Variants in SYN3 observed in about 807,000 individuals in gnomAD.
The protein encoded by SYN3 is synapsin III.
Under a neutral mutation model 65.8 loss-of-function variants are expected in SYN3, and 35 were observed. The observed-to-expected ratio is 0.53, with a 90% CI of 0.41 to 0.70. The LOEUF (loss-of-function observed/expected upper bound fraction) is 0.70, where lower values mean the gene tolerates loss of function less well. Among genes scored for constraint, SYN3 ranks in the 30% least tolerant of loss-of-function variants. The probability of loss-of-function intolerance (pLI) is 0.00; values close to 1 mark genes in which losing one functional copy is unlikely to be tolerated. For synonymous variants in SYN3, 270 were observed against 292.9 expected, an observed-to-expected ratio of 0.92 and a Z score of 0.80; for missense variants, 680 against 749.0, an observed-to-expected ratio of 0.91 and a Z score of 1.08.
intron 6 of SYN3, among the ~76,000 whole-genome samples, chr22:32,835,108 G>C (rs886433780): frequency 6.6e-6 from 1 of 152,188 alleles, no homozygotes; most frequent in African/African-American, 2.4e-5. Flanking sequence ...TTCTGAGTCA[G>C]TTCATGCAGC....
chr22:32,734,513 GCAGACAGACAGA>G (rs6147593), intron 6 of SYN3, among the ~76,000 whole-genome samples: 1 of 151,318 alleles, frequency 6.6e-6, no homozygotes, highest in Admixed American at 6.6e-5. Context: ...AGGCAGGCAG[GCAGACAGACAGA>G]CAGACAGACA....
chr22:32,928,203 G>A lies in SYN3; in HGVS notation c.461+3187C>T, dbSNP rs573745520. ...AAATTAGCTGGGCATGGTGGTGGGCGCCTGTAGTCCCAGCTACTTGGGAGG... is the reference window on the plus strand; with the variant it reads ...AAATTAGCTGGGCATGGTGGTGGGCACCTGTAGTCCCAGCTACTTGGGAGG... On this transcript the variant is annotated intron_variant, in intron 4 of 13. Coordinates refer to ENST00000358763, the MANE Select transcript of SYN3 (RefSeq NM_003490.4). Among the ~76,000 whole-genome samples the A allele has an allele frequency of 1.6e-3, 238 of 152,214 alleles. 3 individuals carry two copies. Among genetic ancestry groups the A allele is most frequent in the Middle Eastern group, 3.4e-3 (1 of 294 alleles).
rs145564489 is a variant in SYN3 at position 32,864,954 on chromosome 22, C to A, written c.672G>T (p.Pro224=). The change falls in exon 6 of 14, where the codon CCG becomes CCT. Residue 224 remains proline (P), a synonymous_variant. Coordinates refer to ENST00000358763, the MANE Select transcript of SYN3 (RefSeq NM_003490.4). ...TGGGGAAAAATGTTTGCTCCACAAG[C>A]GGGAACTTCTCAGGACCCAGGGAAT... ...IFHSLGPEKF[P]LVEQTFFPNH... 3.1e-6 allele frequency: 5 copies of A among 1,614,142 alleles called. No individual in the cohort carries two copies. The highest frequency in any genetic ancestry group is 4.2e-6 in the Non-Finnish European group (5 of 1,180,014).
chr22:32,722,314 C>G (rs1187513229), intron 6 of SYN3, among the ~76,000 whole-genome samples: 1 of 151,992 alleles, frequency 6.6e-6, no homozygotes, highest in Non-Finnish European at 1.5e-5. Context: ...TCCCTTGACC[C>G]TTGATGGTGT....
intron 3 of SYN3, among the ~76,000 whole-genome samples, chr22:32,973,947 C>T (rs944301753): frequency 1.3e-5 from 2 of 152,176 alleles, no homozygotes; most frequent in Admixed American, 6.5e-5. Context: ...CATCACCACG[C>T]CTGGCTGATT....
At chr22:32,732,362 C>T (rs941579988) in intron 6 of SYN3, among the ~76,000 whole-genome samples, 3 of 152,210 alleles carry the variant, frequency 2.0e-5, no homozygotes, top group Non-Finnish European at 2.9e-5. Flanking sequence ...ATTTTCCAAA[C>T]GAAGAAGCAG....
chr22:32,513,447 C>G lies in SYN3; in HGVS notation c.*245G>C. ...GGCAGAGGGTGTGATGCCCATCGCT[C>G]AGGCCTGTTTTGAGGAACCTGGAGG... is the stretch of plus-strand genomic sequence containing the variant. On this transcript the variant is annotated 3_prime_UTR_variant, in exon 14 of 14. Coordinates refer to ENST00000358763, the MANE Select transcript of SYN3 (RefSeq NM_003490.4). 2.3e-6 allele frequency: 1 copy of G among 427,788 alleles called. No individual in the cohort carries two copies. The highest frequency in any genetic ancestry group is 4.1e-6 in the Non-Finnish European group (1 of 242,440). 26.5% of individuals were successfully genotyped at this position (427,788 alleles called of 1,614,324 possible).
chr22:32,822,948 G>A (rs898960035), intron 6 of SYN3, among the ~76,000 whole-genome samples: 19 of 152,080 alleles, frequency 1.2e-4, no homozygotes, highest in Admixed American at 3.9e-4. Context: ...AACAGAGAGA[G>A]AGAGATGAAT....
intron 1 of SYN3, among the ~76,000 whole-genome samples, chr22:33,028,643 A>ATGGTGG (rs133971): frequency 0.087 from 8,054 of 92,954 alleles, 656 homozygotes; most frequent in Middle Eastern, 0.12. Flanking sequence ...AAGAACCATG[A>ATGGTGG]TGGTGGTGGT....
At chr22:32,541,255 C>A (rs924712417) in intron 8 of SYN3, among the ~76,000 whole-genome samples, 1 of 152,182 alleles carries the variant, frequency 6.6e-6, no homozygotes, top group African/African-American at 2.4e-5. Flanking sequence ...GCAAGGTATT[C>A]AAAGCCCTCC....
intron 4 of SYN3, among the ~76,000 whole-genome samples, chr22:32,881,379 C>T (rs1460337577): frequency 6.6e-6 from 1 of 152,172 alleles, no homozygotes; most frequent in Non-Finnish European, 1.5e-5. Context: ...TCTGACAGGC[C>T]ACATCTGTGC....
intron 3 of SYN3, among the ~76,000 whole-genome samples, chr22:32,956,063 A>ATATATATATAT (rs1569355322): frequency 2.5e-5 from 2 of 81,066 alleles, no homozygotes; most frequent in African/African-American, 1.5e-4. Flanking sequence ...TATATATATA[A>ATATATATATAT]AATCTCCTAT....
intron 6 of SYN3, among the ~76,000 whole-genome samples, chr22:32,654,225 C>T (rs781722361): frequency 2.0e-5 from 3 of 152,168 alleles, no homozygotes; most frequent in South Asian, 2.1e-4. Context: ...CCCACCCTGA[C>T]ACCCACTCCC....
At chr22:32,572,112 G>A (rs2058766874) in intron 7 of SYN3, among the ~76,000 whole-genome samples, 1 of 151,850 alleles carries the variant, frequency 6.6e-6, no homozygotes, top group South Asian at 2.1e-4. Context: ...TACTTAAGTT[G>A]GGTCTTGAAG....
At chr22:33,002,159 T>A (rs1484290621) in intron 2 of SYN3, among the ~76,000 whole-genome samples, 1 of 151,996 alleles carries the variant, frequency 6.6e-6, no homozygotes, top group East Asian at 1.9e-4. Context: ...ACAAACAAAG[T>A]TTCATGATAA....
At chr22:33,030,442 A>G (rs1394059153) in intron 1 of SYN3, among the ~76,000 whole-genome samples, 1 of 152,156 alleles carries the variant, frequency 6.6e-6, no homozygotes, top group East Asian at 1.9e-4. Context: ...ATAGAGACAG[A>G]GAAGAGAGAG....
At chr22:32,635,508 T>C (rs373022031) in intron 6 of SYN3, among the ~76,000 whole-genome samples, 46 of 152,298 alleles carry the variant, frequency 3.0e-4, no homozygotes, top group African/African-American at 1.1e-3. Flanking sequence ...TCTGCAAACA[T>C]TGGGGCCAGA....
intron 6 of SYN3, among the ~76,000 whole-genome samples, chr22:32,676,532 T>C (rs1447142234): frequency 2.4e-3 from 39 of 16,588 alleles, no homozygotes; most frequent in South Asian, 4.6e-3. Context: ...TTCTTTCTTT[T>C]TTTTTTTTTT....
chr22:32,768,663 G>A (rs2045688521), intron 6 of SYN3, among the ~76,000 whole-genome samples: 3 of 151,620 alleles, frequency 2.0e-5, no homozygotes, highest in Admixed American at 1.3e-4. Context: ...TCTCTTGGTT[G>A]CAAAAATATA....
Sources: gnomAD v4.1 joint callset for allele counts (sites outside exome capture counted in the v4.1 genomes callset) on GRCh38, gnomAD v4.1.1 for gene constraint, MANE v1.5 for transcripts, NCBI Gene and HGNC (gene_info 2026-07-23, HGNC 2026-07-21) for gene names.